The following MYOM2 variants were observed in gnomAD, a reference collection of about 807,000 sequenced individuals.
The protein encoded by MYOM2 is myomesin 2.
Under a neutral mutation model 187.6 loss-of-function variants are expected in MYOM2, and 254 were observed. The ratio of observed to expected loss-of-function variants is 1.35; its 90% confidence interval spans 1.22 to 1.50. The LOEUF (loss-of-function observed/expected upper bound fraction) is 1.50. Among genes scored for constraint, MYOM2 ranks in the 40% most tolerant of loss-of-function variants. The pLI is 0.00. For missense variants in MYOM2, 2,796 were observed against 1,924.0 expected, an observed-to-expected ratio of 1.45 and a Z score of -8.48; for synonymous variants, 981 against 753.8, an observed-to-expected ratio of 1.30 and a Z score of -4.94.
intron 14 of MYOM2, among the ~76,000 whole-genome samples, chr8:2,089,124 G>A (rs887787032): frequency 8.1e-6 from 1 of 123,532 alleles, no homozygotes; most frequent in Non-Finnish European, 1.8e-5. Flanking sequence ...TGAATTTTCA[G>A]CAGGCTTACC....
At chr8:2,093,478 A>G (rs911567429) in intron 16 of MYOM2, among the ~76,000 whole-genome samples, 7 of 152,300 alleles carry the variant, frequency 4.6e-5, no homozygotes, top group African/African-American at 1.7e-4. Context: ...GGGAATTATC[A>G]TCCCCATCTT....
intron 17 of MYOM2, among the ~76,000 whole-genome samples, chr8:2,095,575 A>G (rs1796452178): frequency 6.6e-6 from 1 of 152,144 alleles, no homozygotes; most frequent in Non-Finnish European, 1.5e-5. Context: ...TACAGGCATG[A>G]GCCACCGCAC....
intron 19 of MYOM2, 26 bp downstream of exon 19, chr8:2,099,009 G>C (rs372733689): frequency 2.5e-6 from 4 of 1,578,966 alleles, no homozygotes; most frequent in African/African-American, 2.7e-5. Context: ...CAGGACACCC[G>C]CGTTCCAGCG....
intron 19 of MYOM2, chr8:2,100,473 G>A: frequency 4.5e-6 from 1 of 223,406 alleles, no homozygotes; most frequent in East Asian, 1.1e-4. Flanking sequence ...GTAGAGGACA[G>A]GGCTGCAGTG....
At chr8:2,143,031 C>T (rs1275562775) in intron 35 of MYOM2, among the ~76,000 whole-genome samples, 1 of 152,030 alleles carries the variant, frequency 6.6e-6, no homozygotes, top group Non-Finnish European at 1.5e-5. Flanking sequence ...GTTGGGATTA[C>T]AGGCGTGAGC....
intron 11 of MYOM2, among the ~76,000 whole-genome samples, chr8:2,077,927 C>A (rs146618465): frequency 4.6e-5 from 7 of 152,130 alleles, no homozygotes; most frequent in African/African-American, 1.7e-4. Flanking sequence ...GCTAAAACAG[C>A]CCATGACATG....
chr8:2,113,486 C>T (rs1338796782), intron 25 of MYOM2, among the ~76,000 whole-genome samples: 1 of 152,120 alleles, frequency 6.6e-6, no homozygotes, highest in African/African-American at 2.4e-5. Flanking sequence ...CTTCTGTGCC[C>T]AGGGTGTGGC....
intron 27 of MYOM2, among the ~76,000 whole-genome samples, chr8:2,117,265 GA>G (rs11400705): frequency 0.044 from 6,641 of 152,258 alleles, 187 homozygotes; most frequent in African/African-American, 0.079. Flanking sequence ...TGAAAGAAGT[GA>G]ACACATACTT....
intron 19 of MYOM2, among the ~76,000 whole-genome samples, chr8:2,100,137 C>T (rs374952734): frequency 1.8e-5 from 2 of 112,170 alleles, no homozygotes; most frequent in African/African-American, 7.5e-5. Context: ...TCTTTCCTTC[C>T]TTCCTTCCTT....
chr8:2,102,795 C>T lies in MYOM2; in HGVS notation c.2734+14C>T. On this transcript the variant is annotated intron_variant, in intron 21 of 36. Coordinates refer to ENST00000262113, the MANE Select transcript of MYOM2 (RefSeq NM_003970.4). The stretch of plus-strand genomic sequence containing the variant: ...AGGCGAGACCAGGTAAGGCTTACAA[C>T]AAAAACTACAAAACAGCAATGATTT... The T allele has an allele frequency of 6.3e-7, 1 of 1,585,364 alleles. No homozygotes were observed. Among genetic ancestry groups the T allele is most frequent in the Non-Finnish European group, 8.7e-7 (1 of 1,155,136 alleles).
Position 2,124,233 on chromosome 8 carries a change from T to G in MYOM2, c.3694+16T>G. ...AGAGTCTGTGGTAAGTAAATGCCTT[T>G]TAATTTTCAAGTCATTTGGGGTGCT... On this transcript the variant is annotated intron_variant, in intron 31 of 36. Transcript: ENST00000262113. The G allele has an allele frequency of 1.2e-6, 2 of 1,607,586 alleles. No individual in the cohort carries two copies. Among genetic ancestry groups the G allele is most frequent in the Middle Eastern group, 1.7e-4 (1 of 6,048 alleles).
At position 2,123,716 on chromosome 8, in the gene MYOM2, A is replaced by T. The variant is rs1797538607; in HGVS notation, c.3655+74A>T. On this transcript the variant is annotated intron_variant, in intron 30 of 36. Transcript: ENST00000262113. ...ACAGGATGGGATGTATTCTGAAGGC[A>T]GGTCTATGTCTAGCCTCAGCTATAG... The T allele has an allele frequency of 5.3e-5, 70 of 1,309,120 alleles. 2 individuals are homozygous for T. In the South Asian group the frequency reaches 8.4e-4, roughly 16 times the overall value. 81.1% of individuals were successfully genotyped at this position (1,309,120 alleles called of 1,614,324 possible). A position where few individuals can be genotyped will look rare whatever the true frequency, so the allele number is the denominator to read the frequency against.
At chr8:2,131,004 G>A (rs534396033) in intron 32 of MYOM2, among the ~76,000 whole-genome samples, 6 of 152,228 alleles carry the variant, frequency 3.9e-5, no homozygotes, top group South Asian at 2.1e-4. Context: ...CCTGCCATCC[G>A]TCATAAACAC....
intron 35 of MYOM2, 140 bp from the exon 36 acceptor site, chr8:2,143,261 C>G: frequency 1.0e-6 from 1 of 968,626 alleles, no homozygotes; most frequent in South Asian, 1.4e-5. Context: ...ACATATAAAC[C>G]TTTTTCTTTG....
intron 31 of MYOM2, among the ~76,000 whole-genome samples, chr8:2,128,321 T>A (rs13281249): frequency 0.77 from 116,818 of 152,202 alleles, 45,463 homozygotes; most frequent in African/African-American, 0.9. Flanking sequence ...AAATGAAAAA[T>A]TACTATTTAA....
intron 13 of MYOM2, chr8:2,084,971 T>G: frequency 2.7e-6 from 1 of 373,902 alleles, no homozygotes; most frequent in South Asian, 4.5e-5. Context: ...GCCTGGTTTC[T>G]TCTGGTAAAT....
chr8:2,073,439 C>T lies in MYOM2; in HGVS notation c.1059C>T (p.Tyr353=), dbSNP rs756750344. ...SHLHKDDEGL[Y]TLRIVSRGGV... is the part of the protein sequence containing the mutation. ...TGCACAAGGACGACGAGGGCCTGTA[C>T]ACCCTGCGCATCGTGTCTCGGGGCG... The change falls in exon 10 of 37, where the codon TAC becomes TAT. Residue 353 remains tyrosine, a synonymous_variant. Coordinates refer to ENST00000262113, the MANE Select transcript of MYOM2 (RefSeq NM_003970.4). 58 of 1,612,532 alleles carry T rather than the reference C, an allele frequency of 3.6e-5. No homozygotes were observed. The Admixed American group carries it at 8.2e-4, about 23-fold the overall frequency.
chr8:2,053,815 G>A (rs775452998), intron 3 of MYOM2, among the ~76,000 whole-genome samples: 1 of 152,196 alleles, frequency 6.6e-6, no homozygotes, highest in East Asian at 1.9e-4. Flanking sequence ...CACGGCTCAT[G>A]CTCTCCATGA....
intron 1 of MYOM2, among the ~76,000 whole-genome samples, chr8:2,046,321 G>A (rs1261435185): frequency 1.3e-5 from 2 of 152,216 alleles, no homozygotes; most frequent in East Asian, 3.9e-4. Flanking sequence ...CCCTGCACTG[G>A]AGGAGAGGCT....
Sources: allele counts gnomAD v4.1 joint callset (sites outside exome capture counted in the v4.1 genomes callset), GRCh38; gene constraint gnomAD v4.1.1; transcripts MANE v1.5; gene names NCBI Gene and HGNC (gene_info 2026-07-23, HGNC 2026-07-21).